The following FRMPD4 variants were observed in gnomAD, a reference collection of about 807,000 sequenced individuals.
FRMPD4 encodes FERM and PDZ domain-containing protein 4.
FRMPD4 carries 22 observed loss-of-function variants against 94.1 expected under a neutral mutation model. That is an observed-to-expected ratio of 0.23 (90% confidence interval 0.17 to 0.33). FRMPD4 has a LOEUF of 0.33. Among genes scored for constraint, FRMPD4 ranks in the 10% least tolerant of loss-of-function variants. The pLI is 1.00. For missense variants in FRMPD4, 1,111 were observed against 1,339.9 expected (o/e 0.83, Z 2.67); for synonymous variants, 631 against 548.6 (o/e 1.15, Z -2.10).
intron 1 of FRMPD4, among the ~76,000 whole-genome samples, chrX:12,423,261 A>ATAAAT (rs1555964555): frequency 9.6e-6 from 1 of 104,683 alleles, no homozygotes; most frequent in African/African-American, 3.4e-5. Context: ...AAATAAATAA[A>ATAAAT]AAATAAAAAA....
intron 2 of FRMPD4, among the ~76,000 whole-genome samples, chrX:12,584,891 G>A (rs1335392095): frequency 8.9e-6 from 1 of 111,904 alleles, no homozygotes. Flanking sequence ...TAAAGTATGT[G>A]GAGTGAATTG....
At chrX:12,491,975 G>A (rs1427346517) in intron 1 of FRMPD4, among the ~76,000 whole-genome samples, 2 of 112,125 alleles carry the variant, frequency 1.8e-5, no homozygotes, top group African/African-American at 6.5e-5. Context: ...TCTGAGCAAT[G>A]AATCTTAGCC....
At chrX:12,228,344 A>T (rs2056947099) in intron 1 of FRMPD4, among the ~76,000 whole-genome samples, 1 of 112,629 alleles carries the variant, frequency 8.9e-6, no homozygotes, top group African/African-American at 3.2e-5. Context: ...CTAATGTTTT[A>T]GAGAGCACAT....
intron 1 of FRMPD4, among the ~76,000 whole-genome samples, chrX:12,247,842 A>G (rs2053977378): frequency 9.0e-6 from 1 of 110,555 alleles, no homozygotes; most frequent in Admixed American, 9.5e-5. Flanking sequence ...GGATATTGAG[A>G]CTCAGGGAGA....
intron 1 of FRMPD4, among the ~76,000 whole-genome samples, chrX:12,263,929 C>T (rs1456206272): frequency 1.8e-5 from 2 of 111,428 alleles, no homozygotes; most frequent in Admixed American, 1.9e-4. Flanking sequence ...GAGATAGAAC[C>T]CACAGCCGCA....
At chrX:12,378,773 C>T (rs2056277060) in intron 1 of FRMPD4, among the ~76,000 whole-genome samples, 1 of 112,145 alleles carries the variant, frequency 8.9e-6, no homozygotes. Context: ...TCAGAAGTTA[C>T]TTTTCCACAT....
At chrX:12,153,138 T>A (rs1016843955) in intron 1 of FRMPD4, among the ~76,000 whole-genome samples, 18 of 110,637 alleles carry the variant, frequency 1.6e-4, no homozygotes, top group Admixed American at 1.5e-3. Context: ...GGGTTTCACC[T>A]TGTTAGCCAG....
chrX:12,658,913 C>T (rs1378036096), intron 4 of FRMPD4, among the ~76,000 whole-genome samples: 1 of 111,788 alleles, frequency 8.9e-6, no homozygotes, highest in Non-Finnish European at 1.9e-5. Context: ...GCTTAGTGGC[C>T]GGAGTGACCT....
At chrX:12,418,233 C>T (rs1164311222) in intron 1 of FRMPD4, among the ~76,000 whole-genome samples, 1 of 109,733 alleles carries the variant, frequency 9.1e-6, no homozygotes, top group African/African-American at 3.3e-5. Flanking sequence ...TTGCCATCAC[C>T]ATAGAGACAG....
intron 4 of FRMPD4, among the ~76,000 whole-genome samples, chrX:12,667,773 A>T (rs2059795095): frequency 8.9e-6 from 1 of 112,254 alleles, no homozygotes; most frequent in African/African-American, 3.2e-5. Context: ...GGGACTCTGC[A>T]TCAAAAAAGG....
chrX:12,119,974 G>A lies in FRMPD4; in HGVS notation c.95+241956G>A, dbSNP rs750135113. Among the ~76,000 whole-genome samples, 15 of 112,415 alleles carry A rather than the reference G, an allele frequency of 1.3e-4. No individual in the cohort carries two copies. In the East Asian group the frequency reaches 3.1e-3, roughly 23 times the overall value. On this transcript the variant is annotated intron_variant, in intron 3 of 18. Transcript: ENST00000640291. ...TTAGTAGAAATGAAAGACAAGTAAA[G>A]AAATTGTGTAATATTTTTTCTTAAT... is the stretch of plus-strand genomic sequence containing the variant.
intron 3 of FRMPD4, among the ~76,000 whole-genome samples, chrX:11,981,990 T>C (rs2054400097): frequency 8.9e-6 from 1 of 111,955 alleles, no homozygotes; most frequent in South Asian, 3.7e-4. Context: ...TTAGATAGTA[T>C]TTTTATGTGC....
intron 2 of FRMPD4, among the ~76,000 whole-genome samples, chrX:12,584,463 C>A (rs1382946405): frequency 9.0e-6 from 1 of 111,534 alleles, no homozygotes; most frequent in African/African-American, 3.3e-5. Flanking sequence ...AGAAAACGAT[C>A]ATCACTGCTA....
At chrX:12,113,767 T>G (rs1271753190) in intron 3 of FRMPD4, among the ~76,000 whole-genome samples, 5 of 112,171 alleles carry the variant, frequency 4.5e-5, no homozygotes, top group Non-Finnish European at 9.4e-5. Flanking sequence ...AAGGGGGCAT[T>G]ATTCTGCCTA....
At chrX:12,583,077 G>A (rs182325273) in intron 2 of FRMPD4, among the ~76,000 whole-genome samples, 75 of 111,501 alleles carry the variant, frequency 6.7e-4, no homozygotes, top group African/African-American at 2.4e-3. Context: ...AAACCCTGTG[G>A]CACCCTCATT....
intron 7 of FRMPD4, among the ~76,000 whole-genome samples, chrX:12,688,731 T>A (rs952364859): frequency 1.0e-5 from 1 of 95,882 alleles, no homozygotes; most frequent in Non-Finnish European, 2.0e-5. Context: ...GAGAAAATTA[T>A]AAAGCAGGGA....
intron 3 of FRMPD4, among the ~76,000 whole-genome samples, chrX:11,997,717 A>T (rs1234376680): frequency 1.8e-5 from 2 of 111,312 alleles, no homozygotes; most frequent in Admixed American, 9.6e-5. Flanking sequence ...ATTTGCACAA[A>T]CATATTTAAG....
chrX:12,278,624 A>G (rs1327441568), intron 1 of FRMPD4, among the ~76,000 whole-genome samples: 1 of 112,375 alleles, frequency 8.9e-6, no homozygotes, highest in Non-Finnish European at 1.9e-5. Context: ...TGGGTTTTCT[A>G]TTACTCAGAT....
chrX:12,427,007 G>A (rs953749176), intron 1 of FRMPD4, among the ~76,000 whole-genome samples: 4 of 111,353 alleles, frequency 3.6e-5, no homozygotes, highest in African/African-American at 9.8e-5. Context: ...TTACACTGTA[G>A]ATAGGATGGT....
Sources: gnomAD v4.1 joint callset for allele counts (sites outside exome capture counted in the v4.1 genomes callset) on GRCh38, gnomAD v4.1.1 for gene constraint, MANE v1.5 for transcripts, NCBI Gene and HGNC (gene_info 2026-07-23, HGNC 2026-07-21) for gene names.